The following CAMTA1 variants were observed in gnomAD, a reference collection of about 807,000 sequenced individuals.
The protein encoded by CAMTA1 is calmodulin-binding transcription activator 1.
A neutral mutation model predicts 170.9 loss-of-function variants in CAMTA1; 27 were observed. The observed-to-expected ratio is 0.16, with a 90% confidence interval of 0.12 to 0.22. The LOEUF (loss-of-function observed/expected upper bound fraction) is 0.22. Ranked by LOEUF, CAMTA1 falls within the 10% of genes least tolerant of loss-of-function variation. CAMTA1 has a pLI of 1.00. For missense variants in CAMTA1, 1,619 were observed against 2,217.2 expected, an observed-to-expected ratio of 0.73 and a Z score of 5.42; for synonymous variants, 833 against 891.5, an observed-to-expected ratio of 0.93 and a Z score of 1.17.
chr1:7,678,713 G>A (rs2096151189), intron 11 of CAMTA1, among the ~76,000 whole-genome samples: 1 of 152,168 alleles, frequency 6.6e-6, no homozygotes, highest in African/African-American at 2.4e-5. Flanking sequence ...ACACTCCATG[G>A]GGTACCTTGC....
In CAMTA1 at chr1:7,103,554, CACACATACACACA is replaced by C. The variant is rs961132098; in HGVS notation, c.302+12189_302+12201del. ...CACAACTACACACATGTACACACTA[CACACATACACACA>C]ACACAACTACACACATGTACACACA... On this transcript the variant is annotated intron_variant, in intron 4 of 22. Transcript: ENST00000303635. Among the ~76,000 whole-genome samples, 9 of 30,478 alleles carry C rather than the reference CACACATACACACA, an allele frequency of 3.0e-4. 1 individual carries two copies. The highest frequency in any genetic ancestry group is 2.4e-3 in the South Asian group (4 of 1,648). 20.0% of individuals were successfully genotyped at this position (30,478 alleles called of 152,430 possible).
At chr1:6,861,210 C>T (rs1197660096) in intron 3 of CAMTA1, among the ~76,000 whole-genome samples, 1 of 152,138 alleles carries the variant, frequency 6.6e-6, no homozygotes, top group Non-Finnish European at 1.5e-5. Context: ...CCCGCCTTGG[C>T]CTCCCAAAGT....
intron 3 of CAMTA1, among the ~76,000 whole-genome samples, chr1:7,069,180 C>A (rs1638264038): frequency 6.6e-6 from 1 of 152,202 alleles, no homozygotes; most frequent in South Asian, 2.1e-4. Context: ...AGATTGTCAT[C>A]CTTCACCACG....
intron 4 of CAMTA1, among the ~76,000 whole-genome samples, chr1:7,100,167 G>A (rs925750476): frequency 7.2e-5 from 11 of 152,146 alleles, no homozygotes; most frequent in African/African-American, 2.7e-4. Context: ...GGGGTCCCCT[G>A]CACGGCACTT....
intron 5 of CAMTA1, among the ~76,000 whole-genome samples, chr1:7,409,002 C>A (rs986874156): frequency 6.6e-6 from 1 of 152,206 alleles, no homozygotes; most frequent in Admixed American, 6.5e-5. Context: ...GTCCCAGCCT[C>A]CCCTGGCCCT....
At position 7,579,552 on chromosome 1, in the gene CAMTA1, C is replaced by CTTTTTTTTTTTTT. The variant is rs3034816; in HGVS notation, c.511-60835_511-60823dup. Among the ~76,000 whole-genome samples, 71 of 79,194 alleles carry CTTTTTTTTTTTTT rather than the reference C, an allele frequency of 9.0e-4. 2 individuals are homozygous for CTTTTTTTTTTTTT. Among genetic ancestry groups the CTTTTTTTTTTTTT allele is most frequent in the East Asian group, 1.4e-3 (4 of 2,848 alleles). 52.0% of individuals were successfully genotyped at this position (79,194 alleles called of 152,430 possible). A position where few individuals can be genotyped will look rare whatever the true frequency, so the allele number is the denominator to read the frequency against. On this transcript the variant is annotated intron_variant, in intron 6 of 22. Coordinates refer to ENST00000303635, the MANE Select transcript of CAMTA1 (RefSeq NM_015215.4). ...GGTCCACTTTCTTTTCTTTTCTTTT[C>CTTTTTTTTTTTTT]TTTTTTTTTTTTTTTTTTTTTTTTT...
chr1:7,233,276 A>G (rs552920872), intron 4 of CAMTA1, among the ~76,000 whole-genome samples: 4 of 152,336 alleles, frequency 2.6e-5, no homozygotes, highest in South Asian at 2.1e-4. Flanking sequence ...TTTGGGAGGC[A>G]TGGACTTTGG....
intron 6 of CAMTA1, among the ~76,000 whole-genome samples, chr1:7,608,028 C>T (rs1041083135): frequency 6.6e-6 from 1 of 152,174 alleles, no homozygotes; most frequent in Non-Finnish European, 1.5e-5. Flanking sequence ...TCTCTGGCCT[C>T]CATAGTTCCT....
chr1:7,436,006 C>A (rs1256731127), intron 5 of CAMTA1, among the ~76,000 whole-genome samples: 1 of 152,198 alleles, frequency 6.6e-6, no homozygotes, highest in Non-Finnish European at 1.5e-5. Context: ...AGAGAACCAG[C>A]CCAATTTGCA....
chr1:7,744,839 A>C lies in CAMTA1; in HGVS notation c.4187A>C (p.Asn1396Thr), dbSNP rs1056458813. 44 of 1,612,088 alleles carry C rather than the reference A, an allele frequency of 2.7e-5. No homozygotes were observed. The highest frequency in any genetic ancestry group is 3.2e-5 in the Non-Finnish European group (38 of 1,179,052). Residue 1396 changes from asparagine (N) to threonine (T), a missense_variant, in exon 17 of 23, where the codon AAC becomes ACC. By Grantham distance (65) the Asn-to-Thr change is moderately conservative. Around this residue, in one of 8 missense-constraint regions of CAMTA1, gnomAD observed 370 missense variants for 429.4 expected, o/e 0.86. Transcript: ENST00000303635. ...TCTGTGAACTTCTGACTTCAGGTGAACATGATGACCTTGGCAGAACACATT... is the reference window on the plus strand; with the variant it reads ...TCTGTGAACTTCTGACTTCAGGTGACCATGATGACCTTGGCAGAACACATT... ...CGQPMDDIQVNMMTLAEHIIE... is the reference protein window; with the variant it reads ...CGQPMDDIQVTMMTLAEHIIE...
At chr1:7,142,380 A>G (rs936773619) in intron 4 of CAMTA1, among the ~76,000 whole-genome samples, 8 of 152,158 alleles carry the variant, frequency 5.3e-5, no homozygotes, top group South Asian at 2.1e-4. Flanking sequence ...ACGAACTGCA[A>G]TGATGGGGAG....
chr1:7,679,702 G>A (rs1198310393), intron 11 of CAMTA1, among the ~76,000 whole-genome samples: 1 of 152,234 alleles, frequency 6.6e-6, no homozygotes, highest in Non-Finnish European at 1.5e-5. Context: ...AGGCCTGGGC[G>A]TCCAGCAGCA....
chr1:7,614,803 G>A (rs948084109), intron 6 of CAMTA1, among the ~76,000 whole-genome samples: 1 of 152,090 alleles, frequency 6.6e-6, no homozygotes, highest in African/African-American at 2.4e-5. Context: ...CACCTCCCGA[G>A]GCTCCTGTCC....
chr1:7,284,323 C>G (rs952656541), intron 5 of CAMTA1, among the ~76,000 whole-genome samples: 1 of 151,804 alleles, frequency 6.6e-6, no homozygotes, highest in South Asian at 2.1e-4. Flanking sequence ...CCTGCCTCAG[C>G]CTCCCCAGTA....
intron 3 of CAMTA1, among the ~76,000 whole-genome samples, chr1:6,890,396 C>G (rs1445380427): frequency 6.6e-6 from 1 of 152,104 alleles, no homozygotes; most frequent in African/African-American, 2.4e-5. Context: ...AAGAGCAGAC[C>G]ATGTCACTTC....
chr1:7,606,798 A>G (rs903295084), intron 6 of CAMTA1, among the ~76,000 whole-genome samples: 21 of 152,322 alleles, frequency 1.4e-4, no homozygotes, highest in African/African-American at 4.8e-4. Flanking sequence ...CCCAGGAGCC[A>G]TCCAAAGGAT....
chr1:7,610,391 C>T (rs1350884740), intron 6 of CAMTA1, among the ~76,000 whole-genome samples: 1 of 152,208 alleles, frequency 6.6e-6, no homozygotes, highest in Non-Finnish European at 1.5e-5. Context: ...ACTTAATAAA[C>T]ATGGGTCAAA....
At chr1:7,343,925 C>G (rs2149829780) in intron 5 of CAMTA1, among the ~76,000 whole-genome samples, 1 of 152,330 alleles carries the variant, frequency 6.6e-6, no homozygotes, top group South Asian at 2.1e-4. Flanking sequence ...GTCTCTACCA[C>G]CATTCACCGA....
In CAMTA1 at chr1:7,064,131, T is replaced by TCCTCCTCCTCCTTCTCTTCTTC. The variant is rs1708649913; in HGVS notation, c.235-27160_235-27139dup. 6.6e-6 allele frequency among the ~76,000 whole-genome samples: 1 copy of TCCTCCTCCTCCTTCTCTTCTTC among 151,144 alleles called. No homozygotes were observed. The highest frequency in any genetic ancestry group is 6.6e-5 in the Admixed American group (1 of 15,140). ...CCTTCCCTCCTCCTCCTTCTTCTTC[T>TCCTCCTCCTCCTTCTCTTCTTC]CCTCCTCCTCCTTCTCTTCTTCCCT... is the stretch of plus-strand genomic sequence containing the variant. On this transcript the variant is annotated intron_variant, in intron 3 of 22. Transcript: ENST00000303635. The surrounding 1 kb of genome is among the most constrained non-coding windows in gnomAD (Gnocchi z 5.4).
Sources: allele counts gnomAD v4.1 joint callset (sites outside exome capture counted in the v4.1 genomes callset), GRCh38; gene constraint gnomAD v4.1.1; regional missense constraint gnomAD v4.1.1; non-coding constraint Gnocchi (gnomAD v3.1); transcripts MANE v1.5; gene names NCBI Gene and HGNC (gene_info 2026-07-23, HGNC 2026-07-21).